Variants in RASSF9 observed in about 807,000 individuals in gnomAD.
RASSF9 encodes the protein Ras association domain family member 9, also known as ras association domain-containing protein 9.
RASSF9 carries 18 observed loss-of-function variants against 21.4 expected under a neutral mutation model. The ratio of observed to expected loss-of-function variants is 0.84; its 90% confidence interval spans 0.58 to 1.25. The LOEUF (loss-of-function observed/expected upper bound fraction) is 1.25. RASSF9 is among the 50% of genes most tolerant of loss of function. The pLI, the probability that RASSF9 is intolerant of heterozygous loss-of-function variation, is 0.00. For missense variants in RASSF9, 480 were observed against 503.2 expected (o/e 0.95, Z 0.44); for synonymous variants, 183 against 179.1 (o/e 1.02, Z -0.18).
At chr12:85,833,961 T>A (rs544658232) in intron 1 of RASSF9, among the ~76,000 whole-genome samples, 1 of 152,140 alleles carries the variant, frequency 6.6e-6, no homozygotes, top group South Asian at 2.1e-4. Flanking sequence ...TTCAAATCAT[T>A]ATGGAAACTG....
At chr12:85,830,671 A>G (rs1328367600) in intron 1 of RASSF9, among the ~76,000 whole-genome samples, 2 of 152,074 alleles carry the variant, frequency 1.3e-5, no homozygotes, top group African/African-American at 4.8e-5. Context: ...AGCAGATTTA[A>G]TTTGCATTGC....
chr12:85,826,928 A>T (rs1880347297), intron 1 of RASSF9, among the ~76,000 whole-genome samples: 1 of 152,202 alleles, frequency 6.6e-6, no homozygotes, highest in Non-Finnish European at 1.5e-5. Flanking sequence ...CTATTATGCC[A>T]AATATTTTAC....
Position 85,802,610 on chromosome 12 carries a change from G to A in RASSF9, c.*2092C>T, listed in dbSNP as rs1357654595. On this transcript the variant is annotated 3_prime_UTR_variant, in exon 2 of 2. Coordinates refer to ENST00000361228, the MANE Select transcript of RASSF9 (RefSeq NM_005447.4). Reference sequence around the variant, plus strand: ...TTCTAAGATGAAATTATCTCTCCAGGCCTACTTCTTATCAGAACCTCTTGA... The same window carrying A: ...TTCTAAGATGAAATTATCTCTCCAGACCTACTTCTTATCAGAACCTCTTGA... The A allele has an allele frequency of 6.6e-6, 1 of 152,180 alleles. No individual in the cohort carries two copies. Among genetic ancestry groups the A allele is most frequent in the African/African-American group, 2.4e-5 (1 of 41,536 alleles). The allele number at this position is 152,180 out of a possible 1,614,324, so 9.4% of individuals were successfully genotyped here.
At chr12:85,821,163 A>C (rs549873788) in intron 1 of RASSF9, among the ~76,000 whole-genome samples, 1 of 152,252 alleles carries the variant, frequency 6.6e-6, no homozygotes, top group Admixed American at 6.5e-5. Flanking sequence ...AAGAAAAAAA[A>C]AGCTACATTG....
At chr12:85,806,067 G>A in intron 1 of RASSF9, 105 bp from the exon 2 acceptor site, 1 of 1,278,988 alleles carries the variant, frequency 7.8e-7, no homozygotes, top group Non-Finnish European at 1.1e-6. Context: ...CTTAATGAGA[G>A]AGGCATTTTT....
intron 1 of RASSF9, among the ~76,000 whole-genome samples, chr12:85,835,277 T>C (rs1880534103): frequency 1.3e-5 from 2 of 152,062 alleles, no homozygotes; most frequent in African/African-American, 2.4e-5. Flanking sequence ...TATGCCAAAA[T>C]AAATATATTT....
intron 1 of RASSF9, among the ~76,000 whole-genome samples, chr12:85,831,927 C>T (rs144021844): frequency 4.6e-5 from 7 of 151,788 alleles, no homozygotes; most frequent in African/African-American, 7.2e-5. Flanking sequence ...CAAAAGCAAC[C>T]TGGAATGCAA....
chr12:85,827,087 C>T (rs569604160), intron 1 of RASSF9, among the ~76,000 whole-genome samples: 66 of 152,250 alleles, frequency 4.3e-4, no homozygotes, highest in African/African-American at 1.5e-3. Flanking sequence ...ACCACTCTAT[C>T]TCAGTCTTGA....
intron 1 of RASSF9, among the ~76,000 whole-genome samples, chr12:85,829,803 A>G (rs1026094201): frequency 2.6e-5 from 4 of 152,156 alleles, no homozygotes; most frequent in African/African-American, 9.6e-5. Context: ...AGCCTTCATC[A>G]ACTCCAAGAG....
rs750110696 is a variant in RASSF9 at position 85,805,164 on chromosome 12, C to A, written c.846G>T (p.Lys282Asn). ...RLKYYRILID[K>N]LSAEIEKEVK... Reference sequence around the variant, plus strand: ...CCTCTTTTTCTATTTCAGCAGAGAGCTTATCAATGAGTATTCGGTAATATT... The same window carrying A: ...CCTCTTTTTCTATTTCAGCAGAGAGATTATCAATGAGTATTCGGTAATATT... Residue 282 changes from lysine (K) to asparagine (N), a missense_variant, in exon 2 of 2, where the codon AAG becomes AAT. Lys to Asn is a moderately conservative substitution (Grantham distance 94). Transcript: ENST00000361228. 6.2e-7 allele frequency: 1 copy of A among 1,613,856 alleles called. No individual in the cohort carries two copies. Among genetic ancestry groups the A allele is most frequent in the Non-Finnish European group, 8.5e-7 (1 of 1,179,882 alleles).
intron 1 of RASSF9, among the ~76,000 whole-genome samples, chr12:85,829,155 A>G (rs771712871): frequency 6.6e-6 from 1 of 152,134 alleles, no homozygotes; most frequent in Non-Finnish European, 1.5e-5. Flanking sequence ...TGGCTACAAA[A>G]TGTCCCAACC....
chr12:85,830,406 A>T (rs187860035), intron 1 of RASSF9, among the ~76,000 whole-genome samples: 6 of 152,244 alleles, frequency 3.9e-5, no homozygotes, highest in African/African-American at 1.4e-4. Flanking sequence ...CCATGTATCC[A>T]CTTAACATAA....
rs117858866 is a variant in RASSF9, at chr12:85,833,161, A to C, written c.47+2994T>G. Among the ~76,000 whole-genome samples the C allele has an allele frequency of 2.4e-3, 372 of 152,020 alleles. 2 individuals are homozygous for C. The highest frequency in any genetic ancestry group is 0.01 in the Middle Eastern group (3 of 292). Reference sequence around the variant, plus strand: ...TCAAAATCCATATAATTATGTGTCCATCTCTTTAGGTTTTGAATTATATTA... The same window carrying C: ...TCAAAATCCATATAATTATGTGTCCCTCTCTTTAGGTTTTGAATTATATTA... On this transcript the variant is annotated intron_variant, in intron 1 of 1. Coordinates refer to ENST00000361228, the MANE Select transcript of RASSF9 (RefSeq NM_005447.4).
intron 1 of RASSF9, among the ~76,000 whole-genome samples, chr12:85,828,019 T>C (rs1208806863): frequency 6.6e-6 from 1 of 152,218 alleles, no homozygotes; most frequent in Non-Finnish European, 1.5e-5. Context: ...TTATTCAACA[T>C]ATGGATTATA....
intron 1 of RASSF9, among the ~76,000 whole-genome samples, chr12:85,831,281 C>T (rs1421858431): frequency 6.6e-6 from 1 of 151,942 alleles, no homozygotes; most frequent in Non-Finnish European, 1.5e-5. Context: ...GTTATACAGC[C>T]AACGAACACA....
intron 1 of RASSF9, among the ~76,000 whole-genome samples, chr12:85,813,390 T>C (rs1879992789): frequency 3.3e-5 from 5 of 151,940 alleles, no homozygotes; most frequent in Admixed American, 3.3e-4. Context: ...ATTCATACAA[T>C]CAAATATACT....
chr12:85,813,621 G>C (rs1879999092), intron 1 of RASSF9, among the ~76,000 whole-genome samples: 3 of 151,690 alleles, frequency 2.0e-5, no homozygotes, highest in African/African-American at 7.3e-5. Flanking sequence ...AAGATAAAAG[G>C]CACTAAAGTT....
intron 1 of RASSF9, among the ~76,000 whole-genome samples, chr12:85,832,589 T>G (rs939533374): frequency 6.6e-6 from 1 of 151,920 alleles, no homozygotes; most frequent in Non-Finnish European, 1.5e-5. Context: ...AATGTCCACA[T>G]GAATCTCAAA....
intron 1 of RASSF9, among the ~76,000 whole-genome samples, chr12:85,806,674 A>G (rs1327198181): frequency 4.0e-4 from 24 of 60,288 alleles, no homozygotes; most frequent in African/African-American, 1.8e-3. Context: ...CTCCATCTCA[A>G]AAAAAAAAAA....
Sources: allele counts gnomAD v4.1 joint callset (sites outside exome capture counted in the v4.1 genomes callset), GRCh38; gene constraint gnomAD v4.1.1; transcripts MANE v1.5; gene names NCBI Gene and HGNC (gene_info 2026-07-23, HGNC 2026-07-21).